Variants in PPFIBP1 observed in about 807,000 individuals in gnomAD.
PPFIBP1 encodes PPFIB scaffold protein 1, also known as liprin-beta-1.
Under a neutral mutation model 137.8 loss-of-function variants are expected in PPFIBP1, and 112 were observed. The observed-to-expected ratio is 0.81, with a 90% CI of 0.70 to 0.95. PPFIBP1 has a LOEUF of 0.95. Ranked by LOEUF, PPFIBP1 falls within the 40% of genes least tolerant of loss-of-function variation. PPFIBP1 has a pLI of 0.00. For missense variants in PPFIBP1, 1,083 were observed against 1,196.6 expected, an observed-to-expected ratio of 0.91 and a Z score of 1.40; for synonymous variants, 378 against 417.3, an observed-to-expected ratio of 0.91 and a Z score of 1.15.
chr12:27,654,392 T>A (rs1259583080), intron 7 of PPFIBP1: 1 of 174,526 alleles, frequency 5.7e-6, no homozygotes, highest in African/African-American at 2.4e-5. Flanking sequence ...AATAGCACTC[T>A]GTGAAATAGC....
chr12:27,688,210 GT>G, intron 25 of PPFIBP1, 87 bp from the exon 26 acceptor site: 1 of 1,388,920 alleles, frequency 7.2e-7, no homozygotes, highest in Non-Finnish European at 9.8e-7. Flanking sequence ...CATTTAGTGG[GT>G]TGTTGAGTAA....
intron 2 of PPFIBP1, among the ~76,000 whole-genome samples, chr12:27,607,835 A>G (rs1178366472): frequency 6.6e-6 from 1 of 152,102 alleles, no homozygotes; most frequent in Non-Finnish European, 1.5e-5. Flanking sequence ...TTTTACTCTC[A>G]GAGCAACTGG....
At position 27,676,600 on chromosome 12, in the gene PPFIBP1, G is replaced by A; in HGVS notation, c.1582+1G>A. 2 of 1,567,704 alleles carry A rather than the reference G, an allele frequency of 1.3e-6. No homozygotes were observed. The highest frequency in any genetic ancestry group is 8.7e-7 in the Non-Finnish European group (1 of 1,154,058). On this transcript the variant is annotated splice_donor_variant, in intron 18 of 29. Transcript: ENST00000228425. LOFTEE classifies it high-confidence loss of function. ...AGAACAGCAAGTGCACCAAACTTAG[G>A]TACGTATGACCAAAATGCCTTTGCC... is the stretch of plus-strand genomic sequence containing the variant.
chr12:27,677,574 T>C (rs2060602626), intron 19 of PPFIBP1: 1 of 156,764 alleles, frequency 6.4e-6, no homozygotes, highest in African/African-American at 2.4e-5. Flanking sequence ...TAGGGGAACA[T>C]TCTTCTGACG....
chr12:27,633,574 C>G (rs1242431917), intron 3 of PPFIBP1, 114 bp downstream of exon 3: 2 of 761,276 alleles, frequency 2.6e-6, no homozygotes, highest in Admixed American at 3.1e-5. Context: ...AGACCTATGC[C>G]TTTTGCTTCC....
At chr12:27,555,674 C>G (rs1308980901) in intron 1 of PPFIBP1, among the ~76,000 whole-genome samples, 1 of 152,264 alleles carries the variant, frequency 6.6e-6, no homozygotes, top group South Asian at 2.1e-4. Context: ...ATAGCACGTA[C>G]GAGACAGATG....
At chr12:27,567,861 G>T (rs1053263286) in intron 1 of PPFIBP1, among the ~76,000 whole-genome samples, 3 of 152,128 alleles carry the variant, frequency 2.0e-5, no homozygotes, top group African/African-American at 7.2e-5. Context: ...TGAAACCCAA[G>T]ATAAGTTTAT....
At chr12:27,621,265 C>T (rs1187650901) in intron 2 of PPFIBP1, among the ~76,000 whole-genome samples, 3 of 152,244 alleles carry the variant, frequency 2.0e-5, no homozygotes, top group Non-Finnish European at 2.9e-5. Context: ...TCCAAAGAAA[C>T]TTTATAAAAA....
intron 2 of PPFIBP1, among the ~76,000 whole-genome samples, chr12:27,590,050 A>G (rs2052302399): frequency 6.6e-6 from 1 of 152,190 alleles, no homozygotes; most frequent in Non-Finnish European, 1.5e-5. Flanking sequence ...AAAGAATAGC[A>G]ACTCTTTAAG....
At chr12:27,619,236 C>T (rs1382369621) in intron 2 of PPFIBP1, among the ~76,000 whole-genome samples, 1 of 152,084 alleles carries the variant, frequency 6.6e-6, no homozygotes, top group East Asian at 1.9e-4. Flanking sequence ...TCGAATTTGC[C>T]TATAACGTAA....
At position 27,652,111 on chromosome 12, in the gene PPFIBP1, GTTC is replaced by G. The variant is rs1283130894; in HGVS notation, c.603+1973_603+1975del. On this transcript the variant is annotated intron_variant, in intron 7 of 29. Transcript: ENST00000228425. ...ATTAAACTAACTTGAATATTCTCAT[GTTC>G]TTGTTATCGTCCCCTTAATAAAAAT... Among the ~76,000 whole-genome samples, 5 of 152,124 alleles carry G rather than the reference GTTC, an allele frequency of 3.3e-5. No homozygotes were observed. The East Asian group carries it at 9.6e-4, about 29-fold the overall frequency.
At chr12:27,611,218 G>A (rs767403595) in intron 2 of PPFIBP1, among the ~76,000 whole-genome samples, 3 of 152,178 alleles carry the variant, frequency 2.0e-5, no homozygotes, top group Non-Finnish European at 2.9e-5. Flanking sequence ...CCTATATAGC[G>A]CTGTAGCTGG....
Position 27,667,191 on chromosome 12 carries a change from G to T in PPFIBP1, c.1017G>T (p.Leu339=), listed in dbSNP as rs185263684. The change falls in exon 13 of 30, where the codon CTG becomes CTT. Residue 339 remains leucine, a synonymous_variant. Transcript: ENST00000228425. The stretch of plus-strand genomic sequence containing the variant: ...GCAAAGATGGAGAATATGAAGAGCT[G>T]CTCAATTCCAGTTCCATCTCCTCTT... ...KKGKDGEYEE[L]LNSSSISSLL... 9.1e-5 allele frequency: 147 copies of T among 1,608,450 alleles called. No individual in the cohort carries two copies. Among genetic ancestry groups the T allele is most frequent in the Admixed American group, 2.9e-4 (17 of 58,890 alleles).
intron 1 of PPFIBP1, among the ~76,000 whole-genome samples, chr12:27,575,335 A>G (rs1256634236): frequency 6.6e-6 from 1 of 152,206 alleles, no homozygotes; most frequent in Non-Finnish European, 1.5e-5. Context: ...ATCTGAAAGG[A>G]GACTATAGAT....
At chr12:27,642,265 A>G (rs1296850332) in intron 4 of PPFIBP1, among the ~76,000 whole-genome samples, 1 of 152,236 alleles carries the variant, frequency 6.6e-6, no homozygotes, top group Non-Finnish European at 1.5e-5. Context: ...TATTGGTTGG[A>G]TACTGTACTG....
chr12:27,591,491 C>T (rs2052512027), intron 2 of PPFIBP1, among the ~76,000 whole-genome samples: 1 of 152,122 alleles, frequency 6.6e-6, no homozygotes, highest in African/African-American at 2.4e-5. Flanking sequence ...TTACTGAAAA[C>T]CCTGAACTTT....
intron 2 of PPFIBP1, among the ~76,000 whole-genome samples, chr12:27,601,489 G>A (rs2053982916): frequency 6.6e-6 from 1 of 152,178 alleles, no homozygotes; most frequent in African/African-American, 2.4e-5. Context: ...AGGTTAAACT[G>A]CATCATACCG....
intron 2 of PPFIBP1, among the ~76,000 whole-genome samples, chr12:27,589,076 G>A (rs547975645): frequency 6.6e-6 from 1 of 152,266 alleles, no homozygotes; most frequent in African/African-American, 2.4e-5. Context: ...TCGACTCCAG[G>A]TAATGCAATA....
chr12:27,624,746 C>A (rs1006126785), intron 2 of PPFIBP1, among the ~76,000 whole-genome samples: 2 of 152,144 alleles, frequency 1.3e-5, no homozygotes, highest in Middle Eastern at 3.4e-3. Context: ...TCCTGAATAG[C>A]GTGTGCATGT....
Sources: allele counts gnomAD v4.1 joint callset (sites outside exome capture counted in the v4.1 genomes callset), GRCh38; gene constraint gnomAD v4.1.1; transcripts MANE v1.5; gene names NCBI Gene and HGNC (gene_info 2026-07-23, HGNC 2026-07-21).